Variants in GPM6A observed in about 807,000 individuals in gnomAD.
GPM6A encodes the protein neuronal membrane glycoprotein M6-a.
In GPM6A, 7 loss-of-function variants were observed where a neutral mutation model predicts 32.1. The ratio of observed to expected loss-of-function variants is 0.22; its 90% CI spans 0.12 to 0.41. The LOEUF is 0.41. Among genes scored for constraint, GPM6A ranks in the 10% least tolerant of loss-of-function variants. The probability of loss-of-function intolerance (pLI) is 1.00; values close to 1 mark genes in which losing one functional copy is unlikely to be tolerated. For synonymous variants in GPM6A, 130 were observed against 123.4 expected (o/e 1.05, Z -0.35); for missense variants, 235 against 347.2 (o/e 0.68, Z 2.57).
At chr4:175,766,264 AAATC>A (rs1169720414) in intron 1 of GPM6A, among the ~76,000 whole-genome samples, 19 of 152,344 alleles carry the variant, frequency 1.2e-4, no homozygotes, top group African/African-American at 4.3e-4. Flanking sequence ...ACTAGTAATT[AAATC>A]AACTTTATTT....
At position 175,799,831 on chromosome 4, in the gene GPM6A, C is replaced by T. The variant is rs529047500; in HGVS notation, c.37+12360G>A. ...CTGGGACTACAGGCGCCCGCCACCG[C>T]GCCCGGCTAATTTTTTGTATTTTTA... On this transcript the variant is annotated intron_variant, in intron 1 of 6. Coordinates refer to ENST00000393658, the MANE Select transcript of GPM6A (RefSeq NM_201591.3). 1.7e-4 allele frequency among the ~76,000 whole-genome samples: 26 copies of T among 151,256 alleles called. No individual in the cohort carries two copies. In the South Asian group the frequency reaches 3.6e-3, roughly 21 times the overall value.
At chr4:175,674,241 G>C (rs867821120) in intron 2 of GPM6A, among the ~76,000 whole-genome samples, 35 of 152,200 alleles carry the variant, frequency 2.3e-4, no homozygotes, top group Admixed American at 3.9e-4. Context: ...ACAGTGGTGC[G>C]ATCTCGGCTC....
chr4:175,709,342 C>CCT (rs904435926), intron 1 of GPM6A, among the ~76,000 whole-genome samples: 2 of 148,730 alleles, frequency 1.3e-5, no homozygotes, highest in African/African-American at 4.9e-5. Flanking sequence ...TCTCTCTTTC[C>CCT]CTCTCTCTCT....
At chr4:175,798,892 T>A (rs1476073010) in intron 1 of GPM6A, among the ~76,000 whole-genome samples, 2 of 152,222 alleles carry the variant, frequency 1.3e-5, no homozygotes, top group African/African-American at 4.8e-5. Flanking sequence ...TTTTTTATAT[T>A]GCACCAAAAG....
At chr4:175,647,358 C>A (rs971062800) in intron 4 of GPM6A, among the ~76,000 whole-genome samples, 1 of 152,112 alleles carries the variant, frequency 6.6e-6, no homozygotes, top group South Asian at 2.1e-4. Context: ...GTAATTGAAT[C>A]ACAGAATATA....
intron 1 of GPM6A, among the ~76,000 whole-genome samples, chr4:175,976,319 G>T (rs1455145432): frequency 9.7e-6 from 1 of 103,458 alleles, no homozygotes; most frequent in Non-Finnish European, 2.0e-5. Context: ...CTGCCACCAC[G>T]CCTGGCTAAT....
chr4:175,658,999 A>G (rs866864031), intron 3 of GPM6A, among the ~76,000 whole-genome samples: 34 of 152,300 alleles, frequency 2.2e-4, no homozygotes, highest in African/African-American at 6.0e-4. Flanking sequence ...CAGTGAGTGT[A>G]AGGGCTGAAA....
At chr4:175,926,202 A>G (rs1489840076) in intron 1 of GPM6A, among the ~76,000 whole-genome samples, 2 of 152,144 alleles carry the variant, frequency 1.3e-5, no homozygotes, top group East Asian at 3.8e-4. Flanking sequence ...TGGAAACACT[A>G]AAAAATTAAC....
chr4:175,872,159 C>A (rs916809824), intron 1 of GPM6A, among the ~76,000 whole-genome samples: 1 of 151,966 alleles, frequency 6.6e-6, no homozygotes, highest in African/African-American at 2.4e-5. Flanking sequence ...ATGTTTTTAT[C>A]TTCTCTCATT....
At position 175,963,166 on chromosome 4, in the gene GPM6A, G is replaced by A. The variant is rs1740221055; in HGVS notation, c.-23+39143C>T. On this transcript the variant is annotated intron_variant, in intron 1 of 7. Transcript: ENST00000280187. The stretch of plus-strand genomic sequence containing the variant: ...GAAATAGAGTATCAAAGAAACGTGG[G>A]ACAATTACAAAAGTTGTAACATATT... Among the ~76,000 whole-genome samples the A allele has an allele frequency of 2.0e-5, 3 of 151,610 alleles. No individual in the cohort carries two copies. The South Asian group carries it at 6.2e-4, about 31-fold the overall frequency.
intron 1 of GPM6A, among the ~76,000 whole-genome samples, chr4:175,965,256 C>G (rs1188372518): frequency 6.6e-6 from 1 of 151,864 alleles, no homozygotes; most frequent in Non-Finnish European, 1.5e-5. Flanking sequence ...AAATCAAGGA[C>G]AGAAAGCTAT....
intron 1 of GPM6A, among the ~76,000 whole-genome samples, chr4:175,865,278 T>C (rs1006406946): frequency 3.3e-5 from 5 of 152,254 alleles, no homozygotes; most frequent in African/African-American, 1.2e-4. Flanking sequence ...CTGGGCTCTC[T>C]AGTGTTCTCC....
In GPM6A at chr4:175,664,101, A is replaced by G. The variant is rs144013853; in HGVS notation, c.387+9579T>C. 3.9e-3 allele frequency among the ~76,000 whole-genome samples: 588 copies of G among 152,318 alleles called. 5 individuals carry two copies. Among genetic ancestry groups the G allele is most frequent in the African/African-American group, 0.013 (551 of 41,556 alleles). Reference sequence around the variant, plus strand: ...TGAAAGAAGCCAATCTGAAAAAGCTATATACTACATGATTCCAACTATGAC... The same window carrying G: ...TGAAAGAAGCCAATCTGAAAAAGCTGTATACTACATGATTCCAACTATGAC... On this transcript the variant is annotated intron_variant, in intron 3 of 6. Coordinates refer to ENST00000393658, the MANE Select transcript of GPM6A (RefSeq NM_201591.3).
At chr4:175,730,189 T>G (rs546033968) in intron 1 of GPM6A, among the ~76,000 whole-genome samples, 25 of 152,196 alleles carry the variant, frequency 1.6e-4, no homozygotes, top group African/African-American at 6.0e-4. Flanking sequence ...GTAGCCAAAC[T>G]GCTTCTAATT....
At chr4:175,675,017 T>C (rs1356276570) in intron 2 of GPM6A, among the ~76,000 whole-genome samples, 2 of 152,010 alleles carry the variant, frequency 1.3e-5, no homozygotes, top group Non-Finnish European at 2.9e-5. Context: ...GATAGATAGA[T>C]AGATTTAATT....
intron 1 of GPM6A, among the ~76,000 whole-genome samples, chr4:175,763,452 A>G: frequency 6.6e-6 from 1 of 152,186 alleles, no homozygotes; most frequent in South Asian, 2.1e-4. Flanking sequence ...GATTCCTTTG[A>G]CTAATTTACT....
chr4:175,683,925 G>A, intron 2 of GPM6A, among the ~76,000 whole-genome samples: 1 of 151,654 alleles, frequency 6.6e-6, no homozygotes, highest in East Asian at 1.9e-4. Context: ...TCCACCTCCT[G>A]GGTTCAAGCA....
At chr4:175,693,834 G>A (rs1401259697) in intron 2 of GPM6A, among the ~76,000 whole-genome samples, 1 of 152,142 alleles carries the variant, frequency 6.6e-6, no homozygotes. Flanking sequence ...AATCCCGAAT[G>A]TCAGAGGTGG....
chr4:175,905,471 G>C (rs1241581118), intron 1 of GPM6A, among the ~76,000 whole-genome samples: 1 of 151,948 alleles, frequency 6.6e-6, no homozygotes, highest in African/African-American at 2.4e-5. Context: ...CTGTGGCCCA[G>C]GGAAGCCAAA....
Sources: gnomAD v4.1 joint callset for allele counts (sites outside exome capture counted in the v4.1 genomes callset) on GRCh38, gnomAD v4.1.1 for gene constraint, MANE v1.5 for transcripts, NCBI Gene and HGNC (gene_info 2026-07-23, HGNC 2026-07-21) for gene names.